The following MFSD6 variants were observed in gnomAD, a reference collection of about 807,000 sequenced individuals.
The protein encoded by MFSD6 is major facilitator superfamily domain-containing protein 6.
MFSD6 carries 26 observed loss-of-function variants against 56.3 expected under a neutral mutation model. That is an observed-to-expected ratio of 0.46 (90% CI 0.34 to 0.64). The LOEUF (loss-of-function observed/expected upper bound fraction) is 0.64, where lower values mean the gene tolerates loss of function less well. Ranked by LOEUF, MFSD6 falls within the 30% of genes least tolerant of loss-of-function variation. MFSD6 has a pLI of 0.01. For missense variants in MFSD6, 750 were observed against 986.2 expected (o/e 0.76, Z 3.21); for synonymous variants, 331 against 366.9 (o/e 0.90, Z 1.12).
At chr2:190,477,958 T>C (rs562199275) in intron 4 of MFSD6, among the ~76,000 whole-genome samples, 1 of 152,274 alleles carries the variant, frequency 6.6e-6, no homozygotes, top group East Asian at 1.9e-4. Flanking sequence ...GGGGAAGAGC[T>C]GTGTGCGAAG....
Position 190,438,319 on chromosome 2 carries a change from C to G in MFSD6, c.1532+758C>G, listed in dbSNP as rs977908161. 2.0e-5 allele frequency among the ~76,000 whole-genome samples: 3 copies of G among 152,078 alleles called. No individual in the cohort carries two copies. The highest frequency in any genetic ancestry group is 1.5e-5 in the Non-Finnish European group (1 of 68,018). On this transcript the variant is annotated intron_variant, in intron 3 of 7. Transcript: ENST00000392328. This position sits in a 1 kb window ranked among gnomAD's most constrained non-coding sequence, Gnocchi z 5.2. ...TCACTTGAGGTCAGGAGTTCGAGAC[C>G]AGCCTGGCCAACATGGTGAAACCCC...
Position 190,497,671 on chromosome 2 carries a change from G to A in MFSD6, c.2124G>A (p.Met708Ile). 6.2e-7 allele frequency: 1 copy of A among 1,614,134 alleles called. No homozygotes were observed. Among genetic ancestry groups the A allele is most frequent in the Non-Finnish European group, 8.5e-7 (1 of 1,179,996 alleles). ...FVYALYQIKE[M>I]MQLTRDNRAS... is the part of the protein sequence containing the mutation. ...ATGCACTCTACCAAATTAAAGAGAT[G>A]ATGCAACTCACAAGAGACAACCGTG... The change falls in exon 7 of 8, where the codon ATG (methionine) becomes ATA (isoleucine). Residue 708 changes from methionine (M) to isoleucine (I), a missense_variant. Coordinates refer to ENST00000392328, the MANE Select transcript of MFSD6 (RefSeq NM_017694.4). The surrounding 1 kb of genome is among the most constrained non-coding windows in gnomAD (Gnocchi z 5.2).
chr2:190,423,043 C>T lies in MFSD6; in HGVS notation c.-54+7630C>T, dbSNP rs767893102. ...TAGTCACTATCTCCCTTAAGGGTAA[C>T]CCCTATCCTAACTTCTTTTAAACTT... is the stretch of plus-strand genomic sequence containing the variant. On this transcript the variant is annotated intron_variant, in intron 2 of 7. Coordinates refer to ENST00000392328, the MANE Select transcript of MFSD6 (RefSeq NM_017694.4). This position sits in a 1 kb window ranked among gnomAD's most constrained non-coding sequence, Gnocchi z 4.3. Among the ~76,000 whole-genome samples the T allele has an allele frequency of 6.6e-6, 1 of 152,152 alleles. No individual in the cohort carries two copies. Among genetic ancestry groups the T allele is most frequent in the Non-Finnish European group, 1.5e-5 (1 of 68,042 alleles).
At chr2:190,470,163 A>G (rs568380345) in intron 4 of MFSD6, among the ~76,000 whole-genome samples, 1 of 152,356 alleles carries the variant, frequency 6.6e-6, no homozygotes, top group Admixed American at 6.5e-5. Context: ...GGTGGTTTTA[A>G]GATATAAAAA....
Position 190,430,824 on chromosome 2 carries a change from G to T in MFSD6, c.-53-5153G>T, listed in dbSNP as rs1418899188. Among the ~76,000 whole-genome samples the T allele has an allele frequency of 3.4e-5, 5 of 148,638 alleles. No individual in the cohort carries two copies. In the South Asian group the frequency reaches 1.1e-3, roughly 34 times the overall value. ...CCCCCCCCACCTCCCTCCCGGACGG[G>T]GCGGCCGGCCGGGCGGGGGCTGACC... On this transcript the variant is annotated intron_variant, in intron 2 of 7. Transcript: ENST00000392328.
rs1398013556 is a variant in MFSD6, at chr2:190,426,622, C to T, written c.-53-9355C>T. On this transcript the variant is annotated intron_variant, in intron 2 of 7. Transcript: ENST00000392328. The surrounding 1 kb of genome is among the most constrained non-coding windows in gnomAD (Gnocchi z 4.7). ...CAACAGGTAACTTTTCAGCCCTCATCCCCCTCCCATTCTCCCCACTTTTGG... is the reference window on the plus strand; with the variant it reads ...CAACAGGTAACTTTTCAGCCCTCATTCCCCTCCCATTCTCCCCACTTTTGG... Among the ~76,000 whole-genome samples the T allele has an allele frequency of 6.6e-6, 1 of 152,254 alleles. No individual in the cohort carries two copies. Among genetic ancestry groups the T allele is most frequent in the African/African-American group, 2.4e-5 (1 of 41,540 alleles).
At chr2:190,414,586 C>T (rs1690699693) in intron 1 of MFSD6, among the ~76,000 whole-genome samples, 2 of 152,134 alleles carry the variant, frequency 1.3e-5, no homozygotes, top group East Asian at 3.8e-4. Flanking sequence ...CCTTTCAATT[C>T]CGTATACTGG....
rs1689939108 is a variant in MFSD6, at chr2:190,499,947, G to T, written c.2173-68G>T. 6.2e-7 allele frequency: 1 copy of T among 1,602,376 alleles called. No individual in the cohort carries two copies. Among genetic ancestry groups the T allele is most frequent in the Non-Finnish European group, 8.5e-7 (1 of 1,170,576 alleles). On this transcript the variant is annotated intron_variant, in intron 7 of 7. Coordinates refer to ENST00000392328, the MANE Select transcript of MFSD6 (RefSeq NM_017694.4). The surrounding 1 kb of genome is among the most constrained non-coding windows in gnomAD (Gnocchi z 6.0). ...CCCATGTTTCCTGTCTTACTTGAAA[G>T]CATATATAAAAAGTTGGATTTATTT...
At chr2:190,442,143 TA>T (rs1686403983) in intron 3 of MFSD6, among the ~76,000 whole-genome samples, 1 of 152,202 alleles carries the variant, frequency 6.6e-6, no homozygotes, top group South Asian at 2.1e-4. Flanking sequence ...TTTACCACAA[TA>T]AAAATGTTTT....
chr2:190,483,136 C>T (rs1193662872), intron 4 of MFSD6, among the ~76,000 whole-genome samples: 1 of 151,766 alleles, frequency 6.6e-6, no homozygotes, highest in Non-Finnish European at 1.5e-5. Context: ...TCGTGATCCA[C>T]CCGCCTCGGC....
chr2:190,498,395 A>G lies in MFSD6; in HGVS notation c.2172+676A>G, dbSNP rs1233933378. ...TCCCTTTTATTTGATAAGTCACGTC[A>G]GCTTTGTCTGGAGTAGCTTCAGAGG... is the stretch of plus-strand genomic sequence containing the variant. On this transcript the variant is annotated intron_variant, in intron 7 of 7. Coordinates refer to ENST00000392328, the MANE Select transcript of MFSD6 (RefSeq NM_017694.4). This position sits in a 1 kb window ranked among gnomAD's most constrained non-coding sequence, Gnocchi z 5.9. 6.6e-6 allele frequency among the ~76,000 whole-genome samples: 1 copy of G among 152,236 alleles called. No individual in the cohort carries two copies. Among genetic ancestry groups the G allele is most frequent in the Non-Finnish European group, 1.5e-5 (1 of 68,036 alleles).
chr2:190,495,056 A>G lies in MFSD6; in HGVS notation c.1892-2383A>G, dbSNP rs980586655. Among the ~76,000 whole-genome samples the G allele has an allele frequency of 6.6e-5, 10 of 152,214 alleles. No individual in the cohort carries two copies. Among genetic ancestry groups the G allele is most frequent in the Non-Finnish European group, 1.2e-4 (8 of 68,036 alleles). ...ATCCAAATAGGTAAAGAGGAAGTCA[A>G]ACTGTCGCTGTTTGCTGATGATAAG... On this transcript the variant is annotated intron_variant, in intron 6 of 7. Transcript: ENST00000392328. This position sits in a 1 kb window ranked among gnomAD's most constrained non-coding sequence, Gnocchi z 4.7.
At chr2:190,411,282 C>T (rs1240702429) in intron 1 of MFSD6, 1 of 445,454 alleles carries the variant, frequency 2.2e-6, no homozygotes, top group Non-Finnish European at 3.0e-6. Context: ...GCCTCAGCCT[C>T]CCGAGTAGCT....
At position 190,433,430 on chromosome 2, in the gene MFSD6, G is replaced by T. The variant is rs1686073536; in HGVS notation, c.-53-2547G>T. ...AAAGAAAGTCATGTATAGCTAAGCA[G>T]CAAAAGATTGGATTTTGCTTAACCT... On this transcript the variant is annotated intron_variant, in intron 2 of 7. Transcript: ENST00000392328. This position sits in a 1 kb window ranked among gnomAD's most constrained non-coding sequence, Gnocchi z 4.5. 1 of 152,148 alleles carries T rather than the reference G, an allele frequency of 6.6e-6. No homozygotes were observed. Among genetic ancestry groups the T allele is most frequent in the South Asian group, 2.1e-4 (1 of 4,832 alleles). The allele number at this position is 152,148 out of a possible 1,614,324, so 9.4% of individuals were successfully genotyped here. A position where few individuals can be genotyped will look rare whatever the true frequency, so the allele number is the denominator to read the frequency against.
intron 1 of MFSD6, among the ~76,000 whole-genome samples, chr2:190,409,744 G>C (rs1690478779): frequency 6.6e-6 from 1 of 152,230 alleles, no homozygotes; most frequent in Non-Finnish European, 1.5e-5. Context: ...GTATGCATCT[G>C]TTTTAGCCTT....
rs945879148 is a variant in MFSD6 at position 190,451,727 on chromosome 2, A to G, written c.1532+14166A>G. On this transcript the variant is annotated intron_variant, in intron 3 of 7. Transcript: ENST00000392328. The surrounding 1 kb of genome is among the most constrained non-coding windows in gnomAD (Gnocchi z 5.0). ...AGATCTTGGGGACAGAGAAAACCAC[A>G]CATGTGAATGGCCAGGGAGAGGGTA... 2.6e-5 allele frequency among the ~76,000 whole-genome samples: 4 copies of G among 152,212 alleles called. No homozygotes were observed. Among genetic ancestry groups the G allele is most frequent in the African/African-American group, 9.6e-5 (4 of 41,452 alleles).
chr2:190,460,854 G>A (rs1244394400), intron 3 of MFSD6, among the ~76,000 whole-genome samples: 1 of 152,152 alleles, frequency 6.6e-6, no homozygotes, highest in Non-Finnish European at 1.5e-5. Context: ...AAGGTGACAA[G>A]GAAAGATGTT....
chr2:190,498,488 T>C lies in MFSD6; in HGVS notation c.2172+769T>C, dbSNP rs1227205452. Reference sequence around the variant, plus strand: ...TTGAGTAATTCCCCTTTCAGAAAATTTGTTGAACTGTTAATTAATCTCACT... The same window carrying C: ...TTGAGTAATTCCCCTTTCAGAAAATCTGTTGAACTGTTAATTAATCTCACT... On this transcript the variant is annotated intron_variant, in intron 7 of 7. Coordinates refer to ENST00000392328, the MANE Select transcript of MFSD6 (RefSeq NM_017694.4). This position sits in a 1 kb window ranked among gnomAD's most constrained non-coding sequence, Gnocchi z 5.9. 1.3e-5 allele frequency among the ~76,000 whole-genome samples: 2 copies of C among 152,174 alleles called. No homozygotes were observed. Among genetic ancestry groups the C allele is most frequent in the African/African-American group, 4.8e-5 (2 of 41,448 alleles).
rs1469668979 is a variant in MFSD6, at chr2:190,489,947, T to TG, written c.1891+83dup. The TG allele has an allele frequency of 1.6e-6, 2 of 1,212,382 alleles. No individual in the cohort carries two copies. The highest frequency in any genetic ancestry group is 2.3e-6 in the Non-Finnish European group (2 of 859,358). The allele number at this position is 1,212,382 out of a possible 1,614,324, so 75.1% of individuals were successfully genotyped here. On this transcript the variant is annotated intron_variant, in intron 6 of 7. Transcript: ENST00000392328. This position sits in a 1 kb window ranked among gnomAD's most constrained non-coding sequence, Gnocchi z 6.6. ...ACAAATGCCCCGAGAAGCCTAGAAG[T>TG]GGTACAGAGTATACAACAGGTCTGT...
Sources: allele counts gnomAD v4.1 joint callset (sites outside exome capture counted in the v4.1 genomes callset), GRCh38; gene constraint gnomAD v4.1.1; non-coding constraint Gnocchi (gnomAD v3.1); transcripts MANE v1.5; gene names NCBI Gene and HGNC (gene_info 2026-07-23, HGNC 2026-07-21).